KCNT2: variants seen among roughly 807,000 people sequenced by gnomAD.
KCNT2 encodes potassium sodium-activated channel subfamily T member 2, also known as potassium channel subfamily T member 2.
In KCNT2, 67 loss-of-function variants were observed where a neutral mutation model predicts 153.8. The ratio of observed to expected loss-of-function variants is 0.44; its 90% CI spans 0.36 to 0.53. The LOEUF (loss-of-function observed/expected upper bound fraction) is 0.53. Ranked by LOEUF, KCNT2 falls within the 20% of genes least tolerant of loss-of-function variation. KCNT2 has a pLI of 0.00. For missense variants in KCNT2, 975 were observed against 1,354.8 expected (o/e 0.72, Z 4.40); for synonymous variants, 500 against 458.8 (o/e 1.09, Z -1.15).
intron 12 of KCNT2, among the ~76,000 whole-genome samples, chr1:196,413,509 AT>A (rs1396672122): frequency 6.6e-6 from 1 of 151,700 alleles, no homozygotes; most frequent in Non-Finnish European, 1.5e-5. Context: ...AAATTGCAAG[AT>A]TTTTGCAGAT....
intron 8 of KCNT2, among the ~76,000 whole-genome samples, chr1:196,447,714 T>C (rs1328360620): frequency 6.6e-6 from 1 of 151,272 alleles, no homozygotes; most frequent in Non-Finnish European, 1.5e-5. Context: ...TTCACTTCTT[T>C]TAAGGGATAG....
intron 21 of KCNT2, among the ~76,000 whole-genome samples, chr1:196,310,743 T>C (rs1558129814): frequency 6.6e-6 from 1 of 151,926 alleles, no homozygotes; most frequent in Non-Finnish European, 1.5e-5. Flanking sequence ...GTCTTTTAAC[T>C]GGTCGGCTCT....
At chr1:196,296,718 T>C (rs1448380384) in intron 22 of KCNT2, among the ~76,000 whole-genome samples, 2 of 152,222 alleles carry the variant, frequency 1.3e-5, no homozygotes, top group Middle Eastern at 3.4e-3. Context: ...AGGTACTCTG[T>C]TGGCTTTAAT....
Position 196,608,359 on chromosome 1 carries a change from GAGAA to G in KCNT2, c.-54_-51del. On this transcript the variant is annotated 5_prime_UTR_variant, in exon 1 of 28. Coordinates refer to ENST00000294725, the MANE Select transcript of KCNT2 (RefSeq NM_198503.5). ...CAAACAACAAATGGAGGAGAGGAGG[GAGAA>G]AGAAAGAAAATATTGCGGAGTACAG... The G allele has an allele frequency of 7.0e-7, 1 of 1,435,932 alleles. No individual in the cohort carries two copies. The highest frequency in any genetic ancestry group is 9.8e-7 in the Non-Finnish European group (1 of 1,018,532). 88.9% of individuals were successfully genotyped at this position (1,435,932 alleles called of 1,614,324 possible). A position where few individuals can be genotyped will look rare whatever the true frequency, so the allele number is the denominator to read the frequency against.
chr1:196,303,442 A>T (rs1661367306), intron 22 of KCNT2, among the ~76,000 whole-genome samples: 1 of 152,222 alleles, frequency 6.6e-6, no homozygotes, highest in Admixed American at 6.5e-5. Context: ...GCACACAAGC[A>T]TGTCAATACA....
chr1:196,429,773 T>G lies in KCNT2; in HGVS notation c.639-16A>C. The G allele has an allele frequency of 6.5e-7, 1 of 1,544,900 alleles. No homozygotes were observed. Among genetic ancestry groups the G allele is most frequent in the South Asian group, 1.2e-5 (1 of 83,504 alleles). ...CCCACAAATGCTAAAGAAACAAATA[T>G]GCATTACAATTAAATCTTTCAAACT... On this transcript the variant is annotated splice_polypyrimidine_tract_variant and intron_variant, in intron 8 of 27. Coordinates refer to ENST00000294725, the MANE Select transcript of KCNT2 (RefSeq NM_198503.5).
chr1:196,245,331 A>T (rs1269539975), intron 26 of KCNT2, among the ~76,000 whole-genome samples: 5 of 152,158 alleles, frequency 3.3e-5, no homozygotes, highest in African/African-American at 1.2e-4. Flanking sequence ...TCTCTAAAAA[A>T]GCCAAAGCAA....
chr1:196,507,326 C>T (rs1165625862), intron 1 of KCNT2, among the ~76,000 whole-genome samples: 4 of 152,126 alleles, frequency 2.6e-5, no homozygotes, highest in East Asian at 1.9e-4. Flanking sequence ...AAGGCAATTA[C>T]GAGGTGCTCT....
chr1:196,482,485 A>G (rs989210811), intron 3 of KCNT2, 106 bp from the exon 4 acceptor site: 8 of 537,730 alleles, frequency 1.5e-5, no homozygotes, highest in Non-Finnish European at 2.5e-5. Context: ...GCATAAAAAG[A>G]CAAAATATCA....
At chr1:196,451,386 G>A (rs11807621) in intron 8 of KCNT2, among the ~76,000 whole-genome samples, 2,752 of 140,260 alleles carry the variant, frequency 0.02, 79 homozygotes, top group African/African-American at 0.068. Flanking sequence ...AACTACAGAC[G>A]TGCGCTACCA....
intron 12 of KCNT2, among the ~76,000 whole-genome samples, chr1:196,409,477 C>A (rs1672106404): frequency 2.0e-5 from 3 of 151,380 alleles, no homozygotes; most frequent in Non-Finnish European, 3.0e-5. Flanking sequence ...ATAAATCCCA[C>A]AATAATTGTC....
intron 5 of KCNT2, among the ~76,000 whole-genome samples, chr1:196,473,028 C>T (rs1423325419): frequency 2.6e-5 from 4 of 152,188 alleles, no homozygotes; most frequent in East Asian, 3.8e-4. Flanking sequence ...CTTCTCCAAC[C>T]TTATTTTAAA....
At chr1:196,300,830 A>AT (rs1661119870) in intron 22 of KCNT2, among the ~76,000 whole-genome samples, 1 of 151,818 alleles carries the variant, frequency 6.6e-6, no homozygotes, top group South Asian at 2.1e-4. Flanking sequence ...TGGGTGAGAA[A>AT]TTTTTTCTCC....
chr1:196,414,030 T>C (rs1371793892), intron 12 of KCNT2, among the ~76,000 whole-genome samples: 1 of 151,588 alleles, frequency 6.6e-6, no homozygotes, highest in African/African-American at 2.4e-5. Context: ...TTTTAACAAA[T>C]AGTGTGCAAT....
At chr1:196,357,762 A>T (rs1395256684) in intron 14 of KCNT2, among the ~76,000 whole-genome samples, 2 of 151,756 alleles carry the variant, frequency 1.3e-5, no homozygotes, top group African/African-American at 4.8e-5. Flanking sequence ...GGTAGTGGGA[A>T]TTTTTTATGC....
Position 196,492,310 on chromosome 1 carries a change from T to C in KCNT2, c.127A>G (p.Thr43Ala), listed in dbSNP as rs1387598092. 6.9e-7 allele frequency: 1 copy of C among 1,439,712 alleles called. No individual in the cohort carries two copies. Among genetic ancestry groups the C allele is most frequent in the South Asian group, 1.3e-5 (1 of 75,688 alleles). The allele number at this position is 1,439,712 out of a possible 1,614,324, so 89.2% of individuals were successfully genotyped here. The change falls in exon 2 of 28, where the codon ACA becomes GCA. Residue 43 changes from threonine to alanine, a missense_variant. Physicochemically the swap from Thr to Ala is moderately conservative, Grantham distance 58. Around this residue, in one of 6 missense-constraint regions of KCNT2, gnomAD observed 140 missense variants for 216.0 expected, o/e 0.65. Transcript: ENST00000294725. ...VQVEFYMNENTFKERLKLFFI... is the reference protein window; with the variant it reads ...VQVEFYMNENAFKERLKLFFI... ...AATAATTTTAGTCTTTCTTTAAATG[T>C]ATTTTCATTCATATAGAATTCAACT...
chr1:196,555,568 C>A (rs1326994787), intron 1 of KCNT2, among the ~76,000 whole-genome samples: 1 of 151,246 alleles, frequency 6.6e-6, no homozygotes, highest in Admixed American at 6.6e-5. Flanking sequence ...GTTAAAATGT[C>A]CATACGACCC....
At chr1:196,514,294 A>G (rs1387721601) in intron 1 of KCNT2, among the ~76,000 whole-genome samples, 2 of 152,184 alleles carry the variant, frequency 1.3e-5, no homozygotes, top group Admixed American at 1.3e-4. Context: ...TTTTATCTGT[A>G]AAAATCATGT....
intron 1 of KCNT2, among the ~76,000 whole-genome samples, chr1:196,496,271 C>G (rs1357137124): frequency 6.6e-6 from 1 of 151,940 alleles, no homozygotes; most frequent in Non-Finnish European, 1.5e-5. Flanking sequence ...AGATCGAGAC[C>G]ATCCTGGCTA....
Sources: gnomAD v4.1 joint callset for allele counts (sites outside exome capture counted in the v4.1 genomes callset) on GRCh38, gnomAD v4.1.1 for gene constraint, gnomAD v4.1.1 regional missense constraint, MANE v1.5 for transcripts, NCBI Gene and HGNC (gene_info 2026-07-23, HGNC 2026-07-21) for gene names.